Variants in DBX1 observed in about 807,000 individuals in gnomAD.
DBX1 encodes homeobox protein DBX1.
Under a neutral mutation model 20.8 loss-of-function variants are expected in DBX1, and 10 were observed. The observed-to-expected ratio is 0.48, with a 90% CI of 0.30 to 0.82. The LOEUF (loss-of-function observed/expected upper bound fraction) is 0.82, where lower values mean the gene tolerates loss of function less well. Among genes scored for constraint, DBX1 ranks in the 40% least tolerant of loss-of-function variants. The pLI, the probability that DBX1 is intolerant of heterozygous loss-of-function variation, is 0.07. For missense variants in DBX1, 505 were observed against 468.8 expected (o/e 1.08, Z -0.71); for synonymous variants, 241 against 213.9 (o/e 1.13, Z -1.11).
At chr11:20,157,012 G>A in intron 3 of DBX1, 25 bp downstream of exon 3, 1 of 1,609,710 alleles carries the variant, frequency 6.2e-7, no homozygotes, top group Non-Finnish European at 8.5e-7. Flanking sequence ...GGGCGGGGGG[G>A]GTGCTGTGGA....
chr11:20,159,144 G>T (rs985296331), intron 2 of DBX1, 47 bp downstream of exon 2: 2 of 1,358,598 alleles, frequency 1.5e-6, no homozygotes, highest in Non-Finnish European at 2.1e-6. Flanking sequence ...ATGGGCCGGG[G>T]CTGGGGCGCC....
chr11:20,159,059 T>C (rs1308757662), intron 2 of DBX1, 132 bp downstream of exon 2: 4 of 657,952 alleles, frequency 6.1e-6, no homozygotes, highest in Non-Finnish European at 1.1e-5. Flanking sequence ...ATGAATGTTA[T>C]ACGCCTCGCA....
Position 20,159,528 on chromosome 11 carries a change from A to G in DBX1, c.368-236T>C, listed in dbSNP as rs188841521. Among the ~76,000 whole-genome samples the G allele has an allele frequency of 1.9e-3, 295 of 152,254 alleles. 2 individuals are homozygous for G. Among genetic ancestry groups the G allele is most frequent in the African/African-American group, 6.9e-3 (285 of 41,546 alleles). ...CTCTGCGCCGTCCCACTCTACCCCA[A>G]TCTCCATCCTAGGCACTAACGAGAT... On this transcript the variant is annotated intron_variant, in intron 1 of 3. Transcript: ENST00000524983.
intron 2 of DBX1, 152 bp downstream of exon 2, chr11:20,159,039 C>T (rs967711351): frequency 3.3e-6 from 2 of 613,612 alleles, no homozygotes; most frequent in African/African-American, 3.7e-5. Context: ...CAAATTGGCG[C>T]GACGGATTCA....
rs367554777 is a variant in DBX1, at chr11:20,159,949, C to A, written c.367+9G>T. The stretch of plus-strand genomic sequence containing the variant: ...CTGAATGGGCCCTTAGGGTTCTGAC[C>A]TCGCTTACCTGTTCTGGGCCCCGAG... On this transcript the variant is annotated intron_variant, in intron 1 of 3. Transcript: ENST00000524983. 1 of 1,613,906 alleles carries A rather than the reference C, an allele frequency of 6.2e-7. No individual in the cohort carries two copies. Among genetic ancestry groups the A allele is most frequent in the African/African-American group, 1.3e-5 (1 of 74,936 alleles).
Position 20,156,415 on chromosome 11 carries a change from C to G in DBX1, c.831G>C (p.Glu277Asp). ...DVGQKGPGNE[E>D]EEEGPGSPSH... is the part of the protein sequence containing the mutation. ...TGGGGCTGCCCGGGCCCTCCTCCTC[C>G]TCTTCGTTCCCAGGGCCCTTCTGGC... Residue 277 changes from glutamate to aspartate, a missense_variant, in exon 4 of 4, where the codon GAG becomes GAC. By Grantham distance (45) the Glu-to-Asp change is conservative. Coordinates refer to ENST00000524983, the MANE Select transcript of DBX1 (RefSeq NM_001029865.4). The surrounding 1 kb of genome is among the most constrained non-coding windows in gnomAD (Gnocchi z 4.8). 1 of 1,603,890 alleles carries G rather than the reference C, an allele frequency of 6.2e-7. No homozygotes were observed. Among genetic ancestry groups the G allele is most frequent in the Non-Finnish European group, 8.5e-7 (1 of 1,174,932 alleles).
intron 2 of DBX1, 39 bp from the exon 3 acceptor site, chr11:20,157,278 GC>G (rs1159179285): frequency 6.6e-6 from 10 of 1,514,052 alleles, no homozygotes; most frequent in East Asian, 2.5e-5. Flanking sequence ...GTGGGCGTAC[GC>G]CCCCCAGTCC....
chr11:20,159,072 C>T, intron 2 of DBX1, 119 bp downstream of exon 2: 1 of 725,900 alleles, frequency 1.4e-6, no homozygotes, highest in South Asian at 1.7e-5. Context: ...GCCTCGCAAC[C>T]TCTGAACCAG....
In DBX1 at chr11:20,159,266, C is replaced by T. The variant is rs747004190; in HGVS notation, c.394G>A (p.Val132Ile). The change falls in exon 2 of 4, where the codon GTC (valine) becomes ATC (isoleucine). Residue 132 changes from valine to isoleucine, a missense_variant. Physicochemically the swap from Val to Ile is conservative, Grantham distance 29. Coordinates refer to ENST00000524983, the MANE Select transcript of DBX1 (RefSeq NM_001029865.4). ...GGAAAGGCGAAGGTCTTGGGAGGGA[C>T]GCTCTGGAGCAAGGCTGGGGATGTT... Reference protein sequence around the residue: ...TETSPALLQSVPPKTFAFPYF... With the variant: ...TETSPALLQSIPPKTFAFPYF... 11 of 1,613,226 alleles carry T rather than the reference C, an allele frequency of 6.8e-6. No homozygotes were observed. In the South Asian group the frequency reaches 8.8e-5, roughly 13 times the overall value.
intron 3 of DBX1, 32 bp downstream of exon 3, chr11:20,157,005 C>CGGGGGGGGGGGAAGGGGGGGGG (rs10717537): frequency 6.5e-7 from 1 of 1,541,192 alleles, no homozygotes; most frequent in Non-Finnish European, 8.8e-7. Flanking sequence ...AGGGCGGGGG[C>CGGGGGGGGGGGAAGGGGGGGGG]GGGGGGGGTG....
At chr11:20,157,872 T>C (rs1433389318) in intron 2 of DBX1, among the ~76,000 whole-genome samples, 4 of 152,098 alleles carry the variant, frequency 2.6e-5, no homozygotes, top group Non-Finnish European at 5.9e-5. Flanking sequence ...GGGGAGAGTT[T>C]TGCTTTAAGC....
rs1309420445 is a variant in DBX1 at position 20,157,170 on chromosome 11, C to G, written c.539G>C (p.Arg180Pro). 3 of 1,609,304 alleles carry G rather than the reference C, an allele frequency of 1.9e-6. No homozygotes were observed. The highest frequency in any genetic ancestry group is 1.1e-5 in the South Asian group (1 of 90,432). The part of the protein sequence containing the change: ...WPLAARGKPR[R>P]GMLRRAVFSD... Reference sequence around the variant, plus strand: ...GAAGACTGCTCGACGCAGCATGCCCCGCCGAGGCTTCCCGCGCGCGGCCAG... The same window carrying G: ...GAAGACTGCTCGACGCAGCATGCCCGGCCGAGGCTTCCCGCGCGCGGCCAG... The change falls in exon 3 of 4, where the codon CGG (arginine) becomes CCG (proline). Residue 180 changes from arginine to proline, a missense_variant. Physicochemically the swap from Arg to Pro is moderately radical, Grantham distance 103. Coordinates refer to ENST00000524983, the MANE Select transcript of DBX1 (RefSeq NM_001029865.4).
rs761732213 is a variant in DBX1 at position 20,159,273 on chromosome 11, G to C, written c.387C>G (p.Leu129=). Residue 129 remains leucine (L), a synonymous_variant, in exon 2 of 4, where the codon CTC becomes CTG. Transcript: ENST00000524983. ...CGAAGGTCTTGGGAGGGACGCTCTG[G>C]AGCAAGGCTGGGGATGTTTCTGGTG... ...GPRTETSPAL[L]QSVPPKTFAF... 10 of 1,613,436 alleles carry C rather than the reference G, an allele frequency of 6.2e-6. No individual in the cohort carries two copies. The highest frequency in any genetic ancestry group is 8.5e-6 in the Non-Finnish European group (10 of 1,179,754).
intron 2 of DBX1, among the ~76,000 whole-genome samples, chr11:20,158,590 A>T (rs1176208898): frequency 4.6e-5 from 7 of 152,262 alleles, no homozygotes; most frequent in African/African-American, 1.7e-4. Context: ...AAGGAGTATG[A>T]GAAGGGGTTT....
In DBX1 at chr11:20,156,743, C is replaced by A. The variant is rs1305321683; in HGVS notation, c.673-170G>T. ...GGTGGATTCCCGCATTGACTCCGCCCCCGCCTCAGCTCGCGGTTCCGTTTG... is the reference window on the plus strand; with the variant it reads ...GGTGGATTCCCGCATTGACTCCGCCACCGCCTCAGCTCGCGGTTCCGTTTG... On this transcript the variant is annotated intron_variant, in intron 3 of 3. Transcript: ENST00000524983. The surrounding 1 kb of genome is among the most constrained non-coding windows in gnomAD (Gnocchi z 4.8). 3 of 1,089,842 alleles carry A rather than the reference C, an allele frequency of 2.8e-6. No individual in the cohort carries two copies. The highest frequency in any genetic ancestry group is 2.4e-5 in the East Asian group (1 of 42,098). 67.5% of individuals were successfully genotyped at this position (1,089,842 alleles called of 1,614,324 possible).
chr11:20,156,168 C>A lies in DBX1; in HGVS notation c.*46G>T, dbSNP rs767267482. 9.9e-6 allele frequency: 15 copies of A among 1,509,268 alleles called. No homozygotes were observed. The highest frequency in any genetic ancestry group is 1.2e-5 in the Non-Finnish European group (14 of 1,129,300). The allele number at this position is 1,509,268 out of a possible 1,614,324, so 93.5% of individuals were successfully genotyped here. ...ATGCGCAGACTGGACCCCACCTCTTCGATTTCAAAGCACTTAAAAATAGTA... is the reference window on the plus strand; with the variant it reads ...ATGCGCAGACTGGACCCCACCTCTTAGATTTCAAAGCACTTAAAAATAGTA... On this transcript the variant is annotated 3_prime_UTR_variant, in exon 4 of 4. Coordinates refer to ENST00000524983, the MANE Select transcript of DBX1 (RefSeq NM_001029865.4). The surrounding 1 kb of genome is among the most constrained non-coding windows in gnomAD (Gnocchi z 4.8).
rs373018003 is a variant in DBX1 at position 20,156,627 on chromosome 11, C to T, written c.673-54G>A. The T allele has an allele frequency of 6.2e-7, 1 of 1,613,142 alleles. No homozygotes were observed. The highest frequency in any genetic ancestry group is 8.5e-7 in the Non-Finnish European group (1 of 1,179,912). On this transcript the variant is annotated intron_variant, in intron 3 of 3. Transcript: ENST00000524983. This position sits in a 1 kb window ranked among gnomAD's most constrained non-coding sequence, Gnocchi z 4.8. ...GGAGAAGCAGAGGTCAGATCAGGGG[C>T]TCCGGGGGACGCACGGGGGCGGGGA...
Position 20,156,441 on chromosome 11 carries a change from C to G in DBX1, c.805G>C (p.Gly269Arg), listed in dbSNP as rs1303039662. Reference sequence around the variant, plus strand: ...TCTTCGTTCCCAGGGCCCTTCTGGCCCACGTCGCTGAGGTCCGGGTGCGGA... The same window carrying G: ...TCTTCGTTCCCAGGGCCCTTCTGGCGCACGTCGCTGAGGTCCGGGTGCGGA... ...LNPHPDLSDV[G>R]QKGPGNEEEE... is the part of the protein sequence containing the mutation. The change falls in exon 4 of 4, where the codon GGC becomes CGC. Residue 269 changes from glycine to arginine, a missense_variant. Physicochemically the swap from Gly to Arg is moderately radical, Grantham distance 125 (BLOSUM62 -2). Transcript: ENST00000524983. This position sits in a 1 kb window ranked among gnomAD's most constrained non-coding sequence, Gnocchi z 4.8. 3 of 1,609,658 alleles carry G rather than the reference C, an allele frequency of 1.9e-6. No individual in the cohort carries two copies. The South Asian group carries it at 3.3e-5, about 18-fold the overall frequency.
chr11:20,158,163 G>A (rs1166408960), intron 2 of DBX1, among the ~76,000 whole-genome samples: 3 of 147,796 alleles, frequency 2.0e-5, no homozygotes, highest in Non-Finnish European at 4.5e-5. Context: ...ATTGAGATGA[G>A]GGAGAAAGGG....
Sources: gnomAD v4.1 joint callset for allele counts (sites outside exome capture counted in the v4.1 genomes callset) on GRCh38, gnomAD v4.1.1 for gene constraint, Gnocchi (gnomAD v3.1) non-coding constraint, MANE v1.5 for transcripts, NCBI Gene and HGNC (gene_info 2026-07-23, HGNC 2026-07-21) for gene names.